MDGA2: variants seen among roughly 807,000 people sequenced by gnomAD.
The protein encoded by MDGA2 is MAM domain containing glycosylphosphatidylinositol anchor 2, also known as MAM domain-containing glycosylphosphatidylinositol anchor protein 2.
In MDGA2, 40 loss-of-function variants were observed where a neutral mutation model predicts 117.8. The observed-to-expected ratio is 0.34, with a 90% confidence interval of 0.26 to 0.44. The LOEUF (loss-of-function observed/expected upper bound fraction) is 0.44. MDGA2 is among the 20% of genes least tolerant of loss of function. The pLI is 1.00. For synonymous variants in MDGA2, 452 were observed against 439.0 expected (o/e 1.03, Z -0.37); for missense variants, 1,123 against 1,250.6 (o/e 0.90, Z 1.54).
intron 1 of MDGA2, among the ~76,000 whole-genome samples, chr14:47,603,294 C>A (rs193154283): frequency 1.1e-4 from 17 of 152,280 alleles, no homozygotes; most frequent in South Asian, 4.1e-4. Flanking sequence ...ATGAAACTAT[C>A]GGATTTCATT....
intron 1 of MDGA2, among the ~76,000 whole-genome samples, chr14:47,348,573 TGA>T (rs1180693564): frequency 6.6e-6 from 1 of 152,060 alleles, no homozygotes; most frequent in African/African-American, 2.4e-5. Context: ...TATAATTGCT[TGA>T]GAGAGGGGGA....
intron 6 of MDGA2, among the ~76,000 whole-genome samples, chr14:47,094,886 T>C (rs1277646458): frequency 6.6e-6 from 1 of 152,072 alleles, no homozygotes; most frequent in African/African-American, 2.4e-5. Context: ...GAACAGAATC[T>C]GGTTGCTCAC....
At chr14:47,087,679 A>G (rs1334759227) in intron 6 of MDGA2, among the ~76,000 whole-genome samples, 1 of 151,872 alleles carries the variant, frequency 6.6e-6, no homozygotes, top group Non-Finnish European at 1.5e-5. Flanking sequence ...AGTCCAAACT[A>G]AATCTGGTAA....
intron 1 of MDGA2, among the ~76,000 whole-genome samples, chr14:47,338,771 C>A (rs1022610806): frequency 6.6e-6 from 1 of 152,016 alleles, no homozygotes; most frequent in Non-Finnish European, 1.5e-5. Context: ...GGCATGTTTT[C>A]GAGCTATGAG....
At position 46,873,476 on chromosome 14, in the gene MDGA2, T is replaced by C. The variant is rs199930975; in HGVS notation, c.2709A>G (p.Ala903=). 9 of 1,612,380 alleles carry C rather than the reference T, an allele frequency of 5.6e-6. 1 individual carries two copies. In the African/African-American group the frequency reaches 1.1e-4, roughly 19 times the overall value. The change falls in exon 14 of 17, where the codon GCA becomes GCG. Residue 903 remains alanine, a synonymous_variant. Transcript: ENST00000399232. ...PKNPYGPTNT[A]YCFSFFYHMY... is the part of the protein sequence containing the mutation. ...TGTGATAAAAGAAGCTGAAACAATATGCAGTGTTTGTGGGTCCATAAGGGT... is the reference window on the plus strand; with the variant it reads ...TGTGATAAAAGAAGCTGAAACAATACGCAGTGTTTGTGGGTCCATAAGGGT...
At chr14:47,645,268 G>C (rs1354662498) in intron 1 of MDGA2, among the ~76,000 whole-genome samples, 1 of 150,780 alleles carries the variant, frequency 6.6e-6, no homozygotes, top group Admixed American at 6.6e-5. Context: ...TTTTTTAGAG[G>C]GAGTCCCGCT....
At chr14:47,450,245 T>C (rs1171348932) in intron 1 of MDGA2, among the ~76,000 whole-genome samples, 2 of 152,076 alleles carry the variant, frequency 1.3e-5, no homozygotes, top group Non-Finnish European at 2.9e-5. Flanking sequence ...CCTCAGTGCA[T>C]TTAAATATTA....
chr14:46,935,793 A>G (rs1445590030), intron 9 of MDGA2, among the ~76,000 whole-genome samples: 1 of 152,000 alleles, frequency 6.6e-6, no homozygotes, highest in African/African-American at 2.4e-5. Flanking sequence ...CACTTCCTTG[A>G]GTGTGGAATG....
intron 1 of MDGA2, among the ~76,000 whole-genome samples, chr14:47,544,143 A>G (rs1895409355): frequency 6.6e-6 from 1 of 152,200 alleles, no homozygotes; most frequent in South Asian, 2.1e-4. Context: ...AGTATGTCAG[A>G]GACTAAATTT....
At chr14:47,512,567 C>A (rs1048812740) in intron 1 of MDGA2, among the ~76,000 whole-genome samples, 1 of 152,108 alleles carries the variant, frequency 6.6e-6, no homozygotes, top group South Asian at 2.1e-4. Context: ...TTTGTTCTAT[C>A]GACATCATAA....
intron 6 of MDGA2, among the ~76,000 whole-genome samples, chr14:47,083,314 A>C (rs1015578889): frequency 2.6e-5 from 4 of 152,054 alleles, no homozygotes; most frequent in African/African-American, 9.7e-5. Flanking sequence ...AGAAACTCTT[A>C]GAAATACAGC....
At chr14:46,921,662 G>GTCT in intron 9 of MDGA2, among the ~76,000 whole-genome samples, 1 of 151,424 alleles carries the variant, frequency 6.6e-6, no homozygotes, top group Non-Finnish European at 1.5e-5. Context: ...TCAAATGAGA[G>GTCT]GAAAACAACA....
intron 2 of MDGA2, among the ~76,000 whole-genome samples, chr14:47,247,545 T>G (rs1374206874): frequency 6.6e-6 from 1 of 151,458 alleles, no homozygotes; most frequent in Non-Finnish European, 1.5e-5. Flanking sequence ...TCAAATGATC[T>G]GCCCACCTGG....
Position 47,061,274 on chromosome 14 carries a change from G to C in MDGA2, c.1500C>G (p.Ile500Met). 1 of 1,612,948 alleles carries C rather than the reference G, an allele frequency of 6.2e-7. No individual in the cohort carries two copies. The highest frequency in any genetic ancestry group is 1.1e-5 in the South Asian group (1 of 91,038). ...CTGTGCTGCTGGATATATTAACATCGATACTGATATCAGATATTCCTCCTC... is the reference window on the plus strand; with the variant it reads ...CTGTGCTGCTGGATATATTAACATCCATACTGATATCAGATATTCCTCCTC... Reference protein sequence around the residue: ...LKGGGISDISIDVNISSSTVP... With the variant: ...LKGGGISDISMDVNISSSTVP... Residue 500 changes from isoleucine to methionine, a missense_variant, in exon 7 of 17, where the codon ATC becomes ATG. Around this residue, in one of 2 missense-constraint regions of MDGA2, gnomAD observed 890 missense variants for 1,050.3 expected, o/e 0.85. Transcript: ENST00000399232.
chr14:47,242,692 C>T (rs1378319821), intron 2 of MDGA2, among the ~76,000 whole-genome samples: 1 of 151,806 alleles, frequency 6.6e-6, no homozygotes, highest in South Asian at 2.1e-4. Flanking sequence ...GGGCAGTGCT[C>T]GGGACCTGCA....
chr14:47,094,300 T>C (rs1594613365), intron 6 of MDGA2, among the ~76,000 whole-genome samples: 1 of 152,156 alleles, frequency 6.6e-6, no homozygotes, highest in Non-Finnish European at 1.5e-5. Context: ...AATCATAAAA[T>C]TGAAGAAATA....
At chr14:46,868,771 T>C (rs769801625) in intron 14 of MDGA2, among the ~76,000 whole-genome samples, 7 of 152,006 alleles carry the variant, frequency 4.6e-5, no homozygotes, top group Non-Finnish European at 8.8e-5. Flanking sequence ...AGTTACTTTG[T>C]GCTCCCATTT....
At chr14:47,133,633 T>C (rs1405322449) in intron 4 of MDGA2, among the ~76,000 whole-genome samples, 1 of 152,008 alleles carries the variant, frequency 6.6e-6, no homozygotes, top group Non-Finnish European at 1.5e-5. Context: ...CAGATACACA[T>C]AACAAATGTT....
chr14:47,612,862 C>A (rs1896877904), intron 1 of MDGA2, among the ~76,000 whole-genome samples: 1 of 152,066 alleles, frequency 6.6e-6, no homozygotes, highest in Admixed American at 6.6e-5. Flanking sequence ...GGCAAATGTG[C>A]TCCAGTTATC....
Sources: allele counts gnomAD v4.1 joint callset (sites outside exome capture counted in the v4.1 genomes callset), GRCh38; gene constraint gnomAD v4.1.1; regional missense constraint gnomAD v4.1.1; transcripts MANE v1.5; gene names NCBI Gene and HGNC (gene_info 2026-07-23, HGNC 2026-07-21).